WDFY2: variants seen among roughly 807,000 people sequenced by gnomAD.
WDFY2 encodes the protein WD repeat and FYVE domain containing 2, also known as WD repeat and FYVE domain-containing protein 2.
WDFY2 carries 36 observed loss-of-function variants against 56.4 expected under a neutral mutation model. The observed-to-expected ratio is 0.64, with a 90% CI of 0.49 to 0.84. WDFY2 has a LOEUF of 0.84. WDFY2 is among the 40% of genes least tolerant of loss of function. The pLI, the probability that WDFY2 is intolerant of heterozygous loss-of-function variation, is 0.00. For synonymous variants in WDFY2, 176 were observed against 183.7 expected, an observed-to-expected ratio of 0.96 and a Z score of 0.34; for missense variants, 444 against 512.2, an observed-to-expected ratio of 0.87 and a Z score of 1.29.
intron 1 of WDFY2, among the ~76,000 whole-genome samples, chr13:51,614,207 AAAAG>A (rs1253866163): frequency 2.6e-5 from 4 of 151,850 alleles, no homozygotes; most frequent in Non-Finnish European, 4.4e-5. Context: ...AAAAAAAAAA[AAAAG>A]TGTATCTGTG....
At chr13:51,733,988 T>C (rs1428784649) in intron 6 of WDFY2, among the ~76,000 whole-genome samples, 2 of 152,168 alleles carry the variant, frequency 1.3e-5, no homozygotes, top group Non-Finnish European at 2.9e-5. Context: ...CAAAAACCCT[T>C]GTCACTTCAC....
intron 1 of WDFY2, among the ~76,000 whole-genome samples, chr13:51,596,488 C>T (rs1954151769): frequency 6.6e-6 from 1 of 152,134 alleles, no homozygotes. Flanking sequence ...TCACCGAATC[C>T]TAAAAGGTTC....
At chr13:51,636,874 C>A (rs1955064654) in intron 1 of WDFY2, among the ~76,000 whole-genome samples, 1 of 152,300 alleles carries the variant, frequency 6.6e-6, no homozygotes, top group Admixed American at 6.5e-5. Flanking sequence ...GGTGCTGGAA[C>A]AATTGGGTAC....
At chr13:51,706,063 T>G (rs975491580) in intron 4 of WDFY2, among the ~76,000 whole-genome samples, 14 of 152,228 alleles carry the variant, frequency 9.2e-5, no homozygotes, top group Non-Finnish European at 1.6e-4. Flanking sequence ...TAGAAACTTC[T>G]CTTCATATGC....
intron 5 of WDFY2, among the ~76,000 whole-genome samples, chr13:51,724,668 C>T (rs374258405): frequency 2.0e-5 from 3 of 152,222 alleles, no homozygotes; most frequent in East Asian, 1.9e-4. Flanking sequence ...CAGCATCCCC[C>T]GCCAGAGTGG....
At chr13:51,614,409 A>AT (rs762245107) in intron 1 of WDFY2, among the ~76,000 whole-genome samples, 4 of 152,128 alleles carry the variant, frequency 2.6e-5, no homozygotes, top group Non-Finnish European at 5.9e-5. Flanking sequence ...AAACAAGTAA[A>AT]CGGTTATTTT....
At chr13:51,729,988 C>A (rs1225156309) in intron 6 of WDFY2, among the ~76,000 whole-genome samples, 1 of 152,182 alleles carries the variant, frequency 6.6e-6, no homozygotes, top group Non-Finnish European at 1.5e-5. Flanking sequence ...CCATCCTCCC[C>A]CTCGGCCCCC....
chr13:51,669,406 G>A (rs926930961), intron 2 of WDFY2, among the ~76,000 whole-genome samples: 1 of 152,146 alleles, frequency 6.6e-6, no homozygotes, highest in Admixed American at 6.5e-5. Flanking sequence ...GACTCTGACA[G>A]GCCAGTCAGA....
intron 2 of WDFY2, among the ~76,000 whole-genome samples, chr13:51,663,534 T>C (rs1206913839): frequency 6.6e-6 from 1 of 152,190 alleles, no homozygotes; most frequent in Admixed American, 6.5e-5. Flanking sequence ...AGAAATTGGC[T>C]TTTGTGTTCC....
intron 3 of WDFY2, among the ~76,000 whole-genome samples, chr13:51,677,898 C>T (rs715821): frequency 5.9e-5 from 9 of 151,942 alleles, no homozygotes; most frequent in African/African-American, 1.9e-4. Context: ...TTCAGTTTTG[C>T]GATATAGGAG....
intron 6 of WDFY2, among the ~76,000 whole-genome samples, chr13:51,734,432 C>T (rs1952790867): frequency 6.6e-6 from 1 of 152,126 alleles, no homozygotes; most frequent in Non-Finnish European, 1.5e-5. Context: ...AAATAAGATA[C>T]ATACGTGGGA....
At chr13:51,715,302 C>T (rs1952319237) in intron 4 of WDFY2, among the ~76,000 whole-genome samples, 1 of 152,168 alleles carries the variant, frequency 6.6e-6, no homozygotes, top group Admixed American at 6.5e-5. Flanking sequence ...ACAAACACAA[C>T]TGTACAAAAT....
Position 51,731,258 on chromosome 13 carries a change from G to T in WDFY2, c.598+3468G>T, listed in dbSNP as rs1017530171. Among the ~76,000 whole-genome samples the T allele has an allele frequency of 9.2e-5, 14 of 152,258 alleles. 1 individual carries two copies. Among genetic ancestry groups the T allele is most frequent in the Admixed American group, 6.5e-4 (10 of 15,300 alleles). ...CCACTCACTGTATGGTGGCTGATAG[G>T]AGCTCTGTGAGTTTTGTATTGTTGC... On this transcript the variant is annotated intron_variant, in intron 6 of 11. Coordinates refer to ENST00000298125, the MANE Select transcript of WDFY2 (RefSeq NM_052950.4).
chr13:51,603,274 C>T (rs1192140416), intron 1 of WDFY2, among the ~76,000 whole-genome samples: 1 of 152,318 alleles, frequency 6.6e-6, no homozygotes, highest in East Asian at 1.9e-4. Context: ...ATGTTTCCTA[C>T]TAACGTTTTT....
intron 5 of WDFY2, among the ~76,000 whole-genome samples, chr13:51,722,689 C>T (rs976783441): frequency 3.3e-5 from 5 of 152,166 alleles, no homozygotes; most frequent in Non-Finnish European, 7.4e-5. Context: ...GGTCACGTAA[C>T]TGTTAGCCGG....
intron 3 of WDFY2, among the ~76,000 whole-genome samples, chr13:51,700,808 A>G (rs9535737): frequency 0.14 from 20,676 of 152,162 alleles, 1,756 homozygotes; most frequent in South Asian, 0.23. Context: ...TCTACTAAAA[A>G]TACAATAAAT....
chr13:51,714,917 G>A (rs998885563), intron 4 of WDFY2, among the ~76,000 whole-genome samples: 1 of 152,202 alleles, frequency 6.6e-6, no homozygotes, highest in Non-Finnish European at 1.5e-5. Context: ...CCTGTACAGT[G>A]TGTTACTGTT....
intron 1 of WDFY2, among the ~76,000 whole-genome samples, chr13:51,639,053 T>C (rs1463305206): frequency 3.9e-5 from 6 of 152,196 alleles, no homozygotes; most frequent in Non-Finnish European, 7.3e-5. Flanking sequence ...TGAGTTTACA[T>C]GTATGCTTTT....
chr13:51,710,679 C>A (rs1379957939), intron 4 of WDFY2, among the ~76,000 whole-genome samples: 1 of 152,156 alleles, frequency 6.6e-6, no homozygotes, highest in Non-Finnish European at 1.5e-5. Flanking sequence ...AAGTGAACTC[C>A]CATTCACAAT....
Sources: gnomAD v4.1 joint callset for allele counts (sites outside exome capture counted in the v4.1 genomes callset) on GRCh38, gnomAD v4.1.1 for gene constraint, MANE v1.5 for transcripts, NCBI Gene and HGNC (gene_info 2026-07-23, HGNC 2026-07-21) for gene names.